The following ANKS1B variants were observed in gnomAD, a reference collection of about 807,000 sequenced individuals.
ANKS1B encodes the protein ankyrin repeat and sterile alpha motif domain-containing protein 1B.
In ANKS1B, 36 loss-of-function variants were observed where a neutral mutation model predicts 148.3. The ratio of observed to expected loss-of-function variants is 0.24; its 90% confidence interval spans 0.19 to 0.32. The LOEUF (loss-of-function observed/expected upper bound fraction) is 0.32. Among genes scored for constraint, ANKS1B ranks in the 10% least tolerant of loss-of-function variants. The pLI is 1.00. For missense variants in ANKS1B, 1,157 were observed against 1,542.6 expected, an observed-to-expected ratio of 0.75 and a Z score of 4.19; for synonymous variants, 542 against 560.8, an observed-to-expected ratio of 0.97 and a Z score of 0.47.
intron 15 of ANKS1B, among the ~76,000 whole-genome samples, chr12:99,130,937 T>A (rs2065913121): frequency 6.6e-6 from 1 of 152,192 alleles, no homozygotes; most frequent in Admixed American, 6.6e-5. Flanking sequence ...AAGGACTGGT[T>A]CAAAGACCAC....
chr12:98,919,990 T>C (rs1215341066), intron 17 of ANKS1B, among the ~76,000 whole-genome samples: 1 of 152,198 alleles, frequency 6.6e-6, no homozygotes, highest in Non-Finnish European at 1.5e-5. Context: ...GGTGTATTAG[T>C]TTGCTAGGTC....
intron 17 of ANKS1B, among the ~76,000 whole-genome samples, chr12:99,050,014 C>T (rs917772250): frequency 3.9e-5 from 6 of 152,194 alleles, no homozygotes; most frequent in African/African-American, 1.4e-4. Flanking sequence ...ACTAGCGACT[C>T]ATTACAATGG....
chr12:98,947,112 A>C (rs2099846726), intron 17 of ANKS1B, among the ~76,000 whole-genome samples: 1 of 152,042 alleles, frequency 6.6e-6, no homozygotes, highest in South Asian at 2.1e-4. Context: ...GGTGGGAGTG[A>C]AGTGAGGGAG....
chr12:99,935,649 C>T (rs11110139), intron 1 of ANKS1B, among the ~76,000 whole-genome samples: 282 of 152,256 alleles, frequency 1.9e-3, no homozygotes, highest in African/African-American at 6.6e-3. Flanking sequence ...CGATTCCCTG[C>T]CTAGTAGTCC....
In ANKS1B at chr12:99,725,180, C is replaced by T. The variant is rs539786491; in HGVS notation, c.1128+47742G>A. 2.0e-5 allele frequency among the ~76,000 whole-genome samples: 3 copies of T among 152,250 alleles called. No homozygotes were observed. In the East Asian group the frequency reaches 5.8e-4, roughly 29 times the overall value. On this transcript the variant is annotated intron_variant, in intron 8 of 26. Transcript: ENST00000683438. ...AATATTAACCTTAAATGTAAATGGG[C>T]TAAATGCCCCAGTTAAAAGACACAG...
intron 8 of ANKS1B, among the ~76,000 whole-genome samples, chr12:99,762,973 A>C (rs1429412433): frequency 6.6e-6 from 1 of 152,128 alleles, no homozygotes; most frequent in Non-Finnish European, 1.5e-5. Context: ...AATGACTATT[A>C]TTAAAAAGTT....
At chr12:99,750,019 C>T (rs1452039709) in intron 8 of ANKS1B, among the ~76,000 whole-genome samples, 1 of 152,006 alleles carries the variant, frequency 6.6e-6, no homozygotes, top group Non-Finnish European at 1.5e-5. Flanking sequence ...CTGACTTGTC[C>T]ACCAGACAGT....
At chr12:99,304,690 T>C (rs1346495230) in intron 12 of ANKS1B, among the ~76,000 whole-genome samples, 1 of 152,146 alleles carries the variant, frequency 6.6e-6, no homozygotes, top group African/African-American at 2.4e-5. Flanking sequence ...CAATTGAGAA[T>C]TGCCTAGCTT....
intron 14 of ANKS1B, among the ~76,000 whole-genome samples, chr12:99,237,332 GTGTGTGTATGTGTT>G (rs2088196408): frequency 6.6e-6 from 1 of 151,982 alleles, no homozygotes; most frequent in Non-Finnish European, 1.5e-5. Flanking sequence ...GTATATATAT[GTGTGTGTATGTGTT>G]TGTGTGTGTC....
intron 10 of ANKS1B, among the ~76,000 whole-genome samples, chr12:99,447,886 C>G (rs2095661611): frequency 1.3e-5 from 2 of 151,926 alleles, no homozygotes; most frequent in Admixed American, 1.3e-4. Flanking sequence ...AAATGCAAAT[C>G]AGAACTACAA....
chr12:99,200,140 G>A (rs1222394692), intron 14 of ANKS1B, among the ~76,000 whole-genome samples: 1 of 152,148 alleles, frequency 6.6e-6, no homozygotes, highest in African/African-American at 2.4e-5. Flanking sequence ...AGTGGTTCCT[G>A]CAAAAAGGAG....
At chr12:99,641,214 T>C (rs1167420783) in intron 9 of ANKS1B, among the ~76,000 whole-genome samples, 9 of 152,186 alleles carry the variant, frequency 5.9e-5, no homozygotes, top group Admixed American at 5.9e-4. Context: ...GTATTGTAAA[T>C]AATTTATAGA....
rs573520240 is a variant in ANKS1B, at chr12:99,143,620, A to T, written c.2526+10669T>A. 5.3e-4 allele frequency among the ~76,000 whole-genome samples: 81 copies of T among 152,268 alleles called. 1 individual carries two copies. In the South Asian group the frequency reaches 0.016, roughly 31 times the overall value. On this transcript the variant is annotated intron_variant, in intron 15 of 26. Transcript: ENST00000683438. ...CTTCCATGATCACTGCTACTGTTTGATGTGGTGTCTCCTGCATGAATGAAA... is the reference window on the plus strand; with the variant it reads ...CTTCCATGATCACTGCTACTGTTTGTTGTGGTGTCTCCTGCATGAATGAAA...
In ANKS1B at chr12:99,399,619, G is replaced by A. The variant is rs781613967; in HGVS notation, c.1756+12C>T. On this transcript the variant is annotated intron_variant, in intron 12 of 26. Transcript: ENST00000683438. ...AAATAAAAATACAGCTGCATAAAGT[G>A]AACTGCTTTACCTGTATGGTTAGTT... 2 of 1,609,962 alleles carry A rather than the reference G, an allele frequency of 1.2e-6. No homozygotes were observed. The highest frequency in any genetic ancestry group is 2.2e-5 in the South Asian group (2 of 90,752).
intron 1 of ANKS1B, among the ~76,000 whole-genome samples, chr12:99,915,835 A>G (rs1451639753): frequency 6.6e-6 from 1 of 152,134 alleles, no homozygotes; most frequent in Non-Finnish European, 1.5e-5. Context: ...GGCTGGGTGA[A>G]TCTGTTCCAT....
chr12:99,103,407 T>A (rs1600078217), intron 15 of ANKS1B, among the ~76,000 whole-genome samples: 1 of 152,200 alleles, frequency 6.6e-6, no homozygotes, highest in Non-Finnish European at 1.5e-5. Flanking sequence ...TCTCCTATCT[T>A]GATTTATATA....
At chr12:99,381,513 G>A (rs1209294776) in intron 12 of ANKS1B, among the ~76,000 whole-genome samples, 2 of 152,186 alleles carry the variant, frequency 1.3e-5, no homozygotes, top group East Asian at 3.9e-4. Flanking sequence ...AGACTGGAGA[G>A]GTAGAAGGAA....
intron 17 of ANKS1B, among the ~76,000 whole-genome samples, chr12:99,005,332 T>C (rs943704853): frequency 1.3e-5 from 2 of 152,084 alleles, no homozygotes; most frequent in Non-Finnish European, 1.5e-5. Flanking sequence ...AGAATCGCCC[T>C]GCACAAATAG....
rs540238241 is a variant in ANKS1B at position 99,607,023 on chromosome 12, G to A, written c.1272+48044C>T. The stretch of plus-strand genomic sequence containing the variant: ...TGGATGGTACAGAGCTCAGGACAGA[G>A]GACAGGAAACAGACAGCTGTGAAGA... On this transcript the variant is annotated intron_variant, in intron 9 of 26. Transcript: ENST00000683438. 3.0e-4 allele frequency among the ~76,000 whole-genome samples: 46 copies of A among 152,196 alleles called. 2 individuals are homozygous for A. The highest frequency in any genetic ancestry group is 2.8e-3 in the Admixed American group (43 of 15,280).
Sources: gnomAD v4.1 joint callset for allele counts (sites outside exome capture counted in the v4.1 genomes callset) on GRCh38, gnomAD v4.1.1 for gene constraint, MANE v1.5 for transcripts, NCBI Gene and HGNC (gene_info 2026-07-23, HGNC 2026-07-21) for gene names.